DOCK3: variants seen among roughly 807,000 people sequenced by gnomAD.
DOCK3 encodes the protein dedicator of cytokinesis protein 3.
In DOCK3, 60 loss-of-function variants were observed where a neutral mutation model predicts 265.6. The observed-to-expected ratio is 0.23, with a 90% CI of 0.18 to 0.28. DOCK3 has a LOEUF of 0.28. DOCK3 is among the 10% of genes least tolerant of loss of function. DOCK3 has a pLI of 1.00. For synonymous variants in DOCK3, 881 were observed against 938.0 expected (o/e 0.94, Z 1.11); for missense variants, 1,981 against 2,594.3 (o/e 0.76, Z 5.14).
intron 5 of DOCK3, among the ~76,000 whole-genome samples, chr3:50,936,957 T>G (rs897481329): frequency 1.3e-5 from 2 of 152,212 alleles, no homozygotes; most frequent in Admixed American, 6.5e-5. Context: ...TTGATACAGT[T>G]CTCAGTGTAT....
chr3:50,680,746 A>G (rs1452240681), intron 1 of DOCK3, among the ~76,000 whole-genome samples: 1 of 151,834 alleles, frequency 6.6e-6, no homozygotes, highest in African/African-American at 2.4e-5. Flanking sequence ...CCTGGCCTCA[A>G]GAGACCCTCC....
chr3:50,902,604 T>C (rs950712321), intron 4 of DOCK3, among the ~76,000 whole-genome samples: 2 of 152,146 alleles, frequency 1.3e-5, no homozygotes, highest in East Asian at 1.9e-4. Context: ...AATTTGAAGT[T>C]GGATAGTGAT....
Position 50,699,114 on chromosome 3 carries a change from A to C in DOCK3, c.37+23814A>C, listed in dbSNP as rs1440140037. 2.0e-5 allele frequency among the ~76,000 whole-genome samples: 3 copies of C among 152,134 alleles called. No homozygotes were observed. In the East Asian group the frequency reaches 5.8e-4, roughly 29 times the overall value. ...CTATGTGATAGTAGAGAAGGGTCCA[A>C]CTTCATTCTTTTGTATGTGGATATT... On this transcript the variant is annotated intron_variant, in intron 1 of 52. Coordinates refer to ENST00000266037, the MANE Select transcript of DOCK3 (RefSeq NM_004947.5).
intron 12 of DOCK3, among the ~76,000 whole-genome samples, chr3:51,196,383 G>A (rs1273391731): frequency 6.6e-6 from 1 of 152,090 alleles, no homozygotes; most frequent in African/African-American, 2.4e-5. Context: ...CTGTGGAGAC[G>A]ACCTTTTTGC....
chr3:51,269,067 C>T (rs1197178528), intron 23 of DOCK3, among the ~76,000 whole-genome samples: 1 of 150,652 alleles, frequency 6.6e-6, no homozygotes, highest in East Asian at 1.9e-4. Flanking sequence ...TTCTTTGGTG[C>T]AAGGCTCATG....
At chr3:51,278,296 A>G (rs2080923028) in intron 26 of DOCK3, 1 of 985,318 alleles carries the variant, frequency 1.0e-6, no homozygotes, top group African/African-American at 1.7e-5. Context: ...TAGAAGAGAA[A>G]CAAACTGGGA....
intron 2 of DOCK3, among the ~76,000 whole-genome samples, chr3:50,790,156 A>T (rs371655202): frequency 2.2e-4 from 34 of 152,248 alleles, no homozygotes; most frequent in African/African-American, 8.2e-4. Flanking sequence ...TTTGCATGGA[A>T]TATCTTTTTC....
At chr3:50,951,248 CTTCT>C (rs1303930976) in intron 5 of DOCK3, among the ~76,000 whole-genome samples, 3 of 152,124 alleles carry the variant, frequency 2.0e-5, no homozygotes, top group Non-Finnish European at 4.4e-5. Flanking sequence ...TGCCTCCTTC[CTTCT>C]TTCTCTCCTA....
intron 5 of DOCK3, among the ~76,000 whole-genome samples, chr3:51,005,274 A>G (rs569487566): frequency 6.6e-6 from 1 of 152,196 alleles, no homozygotes; most frequent in South Asian, 2.1e-4. Flanking sequence ...AGTAACTTTT[A>G]TCAATGATTT....
intron 5 of DOCK3, among the ~76,000 whole-genome samples, chr3:51,014,360 G>A (rs1312098275): frequency 1.3e-5 from 2 of 152,052 alleles, no homozygotes; most frequent in Non-Finnish European, 2.9e-5. Context: ...TAGATTTTCT[G>A]TTCCATACTC....
At chr3:51,308,319 A>G (rs1265734420) in intron 27 of DOCK3, among the ~76,000 whole-genome samples, 1 of 151,062 alleles carries the variant, frequency 6.6e-6, no homozygotes, top group African/African-American at 2.4e-5. Flanking sequence ...CAGCAGATAA[A>G]CAAGTGAACA....
rs2041922099 is a variant in DOCK3 at position 50,781,576 on chromosome 3, A to G, written c.121+2818A>G. ...GGCATGATCTAGCACACTCAGCTAT[A>G]TAGTAGTTCTATTTGTAGTATTTTT... On this transcript the variant is annotated intron_variant, in intron 2 of 52. Transcript: ENST00000266037. 3.9e-5 allele frequency among the ~76,000 whole-genome samples: 6 copies of G among 152,034 alleles called. No individual in the cohort carries two copies. The South Asian group carries it at 1.2e-3, about 32-fold the overall frequency.
chr3:51,257,623 C>G (rs1243666570), intron 22 of DOCK3, among the ~76,000 whole-genome samples: 2 of 152,084 alleles, frequency 1.3e-5, no homozygotes, highest in Non-Finnish European at 2.9e-5. Context: ...CAGGTAGCCA[C>G]AAGGAGGAAA....
chr3:51,239,199 T>TTTTATTTATTTCTTTA (rs1553805817), intron 21 of DOCK3, among the ~76,000 whole-genome samples: 1 of 146,616 alleles, frequency 6.8e-6, no homozygotes, highest in East Asian at 2.0e-4. Context: ...AAAGCGTACT[T>TTTTATTTATTTCTTTA]TTTATTTATT....
intron 9 of DOCK3, among the ~76,000 whole-genome samples, chr3:51,117,340 T>C (rs1400325073): frequency 6.6e-5 from 10 of 152,202 alleles, no homozygotes; most frequent in Admixed American, 6.5e-4. Flanking sequence ...ATAAGCTTTT[T>C]GATATGCTGC....
At chr3:51,337,167 C>T (rs1480059349) in intron 35 of DOCK3, among the ~76,000 whole-genome samples, 1 of 152,230 alleles carries the variant, frequency 6.6e-6, no homozygotes, top group African/African-American at 2.4e-5. Context: ...TTCCAAACCT[C>T]TCAAACCTAT....
At chr3:50,835,150 A>C (rs2045427979) in intron 2 of DOCK3, among the ~76,000 whole-genome samples, 1 of 152,214 alleles carries the variant, frequency 6.6e-6, no homozygotes, top group African/African-American at 2.4e-5. Context: ...CACAACTTGC[A>C]CAAACCTTCA....
chr3:50,883,690 A>T (rs1266478145), intron 3 of DOCK3, among the ~76,000 whole-genome samples: 1 of 152,098 alleles, frequency 6.6e-6, no homozygotes, highest in Non-Finnish European at 1.5e-5. Flanking sequence ...CTATATTTTC[A>T]TTGAAAATTA....
intron 22 of DOCK3, among the ~76,000 whole-genome samples, chr3:51,256,539 G>A (rs2079556271): frequency 6.6e-6 from 1 of 151,770 alleles, no homozygotes; most frequent in Non-Finnish European, 1.5e-5. Flanking sequence ...CCAAAGTTCT[G>A]GGATTACAGG....
Sources: gnomAD v4.1 joint callset for allele counts (sites outside exome capture counted in the v4.1 genomes callset) on GRCh38, gnomAD v4.1.1 for gene constraint, MANE v1.5 for transcripts, NCBI Gene and HGNC (gene_info 2026-07-23, HGNC 2026-07-21) for gene names.